Variants in SATB1 observed in about 807,000 individuals in gnomAD.
SATB1 encodes the protein SATB homeobox 1, also known as DNA-binding protein SATB1.
In SATB1, 11 loss-of-function variants were observed where a neutral mutation model predicts 86.9. The ratio of observed to expected loss-of-function variants is 0.13; its 90% confidence interval spans 0.08 to 0.21. The LOEUF (loss-of-function observed/expected upper bound fraction) is 0.21, where lower values mean the gene tolerates loss of function less well. Among genes scored for constraint, SATB1 ranks in the 10% least tolerant of loss-of-function variants. SATB1 has a pLI of 1.00. For synonymous variants in SATB1, 357 were observed against 357.2 expected (o/e 1.00, Z 0.01); for missense variants, 551 against 937.6 (o/e 0.59, Z 5.39).
At chr3:18,437,576 T>A (rs949544238) in intron 1 of SATB1, among the ~76,000 whole-genome samples, 3 of 152,182 alleles carry the variant, frequency 2.0e-5, no homozygotes, top group Admixed American at 2.0e-4. Flanking sequence ...AAGCATACAG[T>A]ATTATTAAAA....
intron 9 of SATB1, among the ~76,000 whole-genome samples, chr3:18,353,565 G>C (rs1213188338): frequency 3.3e-5 from 5 of 151,994 alleles, no homozygotes; most frequent in African/African-American, 1.2e-4. Flanking sequence ...GTAATTTTTA[G>C]ATCTAGCCAA....
intron 5 of SATB1, among the ~76,000 whole-genome samples, chr3:18,400,086 A>T (rs1697174809): frequency 6.6e-6 from 1 of 152,136 alleles, no homozygotes; most frequent in Admixed American, 6.6e-5. Flanking sequence ...TCTTAAATTT[A>T]GAATATCAGG....
chr3:18,416,690 T>TA (rs1015574041), intron 3 of SATB1, among the ~76,000 whole-genome samples: 295 of 150,524 alleles, frequency 2.0e-3, no homozygotes, highest in African/African-American at 6.4e-3. Context: ...TGAAGTAATT[T>TA]AAAAAAAAAA....
At chr3:18,378,131 C>T (rs373973664) in intron 9 of SATB1, 39 bp downstream of exon 9, 3 of 1,509,922 alleles carry the variant, frequency 2.0e-6, no homozygotes, top group Non-Finnish European at 2.6e-6. Context: ...CTACAGGCAA[C>T]ACAGATAAAC....
intron 7 of SATB1, among the ~76,000 whole-genome samples, chr3:18,393,901 T>C (rs984152600): frequency 1.3e-5 from 2 of 152,222 alleles, no homozygotes; most frequent in African/African-American, 4.8e-5. Context: ...AGCTTACAAA[T>C]ATTTTATGTT....
intron 7 of SATB1, among the ~76,000 whole-genome samples, chr3:18,390,534 G>C (rs1696603536): frequency 6.6e-6 from 1 of 152,130 alleles, no homozygotes; most frequent in South Asian, 2.1e-4. Context: ...TTATTCAATA[G>C]TGATATGGAT....
chr3:18,416,912 G>A lies in SATB1; in HGVS notation c.378C>T (p.Ala126=), dbSNP rs1477296817. ...LSLGYSHSSA[A]QAKGLIQVGK... Reference sequence around the variant, plus strand: ...GTACACATTATTTACCTTTGGCCTGGGCAGCAGAGCTATGTGAATAACCTA... The same window carrying A: ...GTACACATTATTTACCTTTGGCCTGAGCAGCAGAGCTATGTGAATAACCTA... The change falls in exon 3 of 11, where the codon GCC becomes GCT. Residue 126 remains alanine (A), a synonymous_variant. Transcript: ENST00000338745. The A allele has an allele frequency of 2.5e-6, 4 of 1,607,706 alleles. No homozygotes were observed. The highest frequency in any genetic ancestry group is 2.2e-5 in the East Asian group (1 of 44,778).
intron 5 of SATB1, chr3:18,410,704 G>C (rs1304347105): frequency 4.7e-6 from 1 of 213,232 alleles, no homozygotes; most frequent in Non-Finnish European, 9.1e-6. Flanking sequence ...CATGTGAAAT[G>C]CAGTATATGA....
chr3:18,369,979 G>A (rs1451053145), intron 9 of SATB1, among the ~76,000 whole-genome samples: 2 of 152,232 alleles, frequency 1.3e-5, no homozygotes, highest in East Asian at 3.8e-4. Context: ...AAGCGAGAGG[G>A]TGAAGGCTTC....
At chr3:18,442,077 T>C (rs948139844), upstream of SATB1, among the ~76,000 whole-genome samples, 5 of 152,274 alleles carry the variant, frequency 3.3e-5, no homozygotes, top group South Asian at 6.2e-4. Context: ...ATTTATTACA[T>C]ATTTCAGCTT....
At chr3:18,438,073 A>C (rs1011502040) in intron 1 of SATB1, among the ~76,000 whole-genome samples, 1 of 152,200 alleles carries the variant, frequency 6.6e-6, no homozygotes, top group African/African-American at 2.4e-5. Flanking sequence ...AGATATCTGC[A>C]TACACTAGGT....
In SATB1 at chr3:18,424,328, C is replaced by T. The variant is rs977013605; in HGVS notation, c.-726G>A. The T allele has an allele frequency of 1.3e-5, 2 of 151,706 alleles. No homozygotes were observed. Among genetic ancestry groups the T allele is most frequent in the Non-Finnish European group, 2.9e-5 (2 of 67,998 alleles). 9.4% of individuals were successfully genotyped at this position (151,706 alleles called of 1,614,324 possible). A position where few individuals can be genotyped will look rare whatever the true frequency, so the allele number is the denominator to read the frequency against. ...CCTCCCTTCCAATCACCCCCACCCC[C>T]CTCGCCAACAATCGCGACTAATATT... On this transcript the variant is annotated 5_prime_UTR_variant, in exon 1 of 11. Coordinates refer to ENST00000338745, the MANE Select transcript of SATB1 (RefSeq NM_002971.6).
intron 9 of SATB1, among the ~76,000 whole-genome samples, chr3:18,364,609 G>T (rs1484211477): frequency 6.6e-6 from 1 of 151,968 alleles, no homozygotes; most frequent in Admixed American, 6.6e-5. Context: ...GGTTCCCTGG[G>T]GGAGAAGGTG....
chr3:18,350,909 G>A (rs1248817076), intron 10 of SATB1: 2 of 264,610 alleles, frequency 7.6e-6, no homozygotes, highest in Non-Finnish European at 1.5e-5. Context: ...ATTGCAGAAT[G>A]TAGGTGACTC....
intron 4 of SATB1, among the ~76,000 whole-genome samples, chr3:18,415,553 G>A (rs942702591): frequency 2.0e-5 from 3 of 150,258 alleles, no homozygotes; most frequent in African/African-American, 2.5e-5. Context: ...TGTATTAACC[G>A]ATTTCCTTTC....
intron 9 of SATB1, among the ~76,000 whole-genome samples, chr3:18,369,052 A>G (rs1023742935): frequency 6.6e-5 from 10 of 152,106 alleles, no homozygotes; most frequent in Non-Finnish European, 1.0e-4. Context: ...TTTCAAATCA[A>G]TTACACAAAT....
intron 6 of SATB1, among the ~76,000 whole-genome samples, chr3:18,395,854 C>G (rs1296697233): frequency 6.6e-6 from 1 of 152,086 alleles, no homozygotes; most frequent in Non-Finnish European, 1.5e-5. Context: ...CTTTTCTGTA[C>G]GAAGAGGAGA....
chr3:18,435,161 A>T (rs1332525270), intron 2 of SATB1: 4 of 152,194 alleles, frequency 2.6e-5, no homozygotes, highest in Non-Finnish European at 5.9e-5. Flanking sequence ...TTAAATATTA[A>T]TAACCTATTC....
intron 9 of SATB1, among the ~76,000 whole-genome samples, chr3:18,372,932 G>A (rs897035976): frequency 6.6e-6 from 1 of 152,104 alleles, no homozygotes; most frequent in Admixed American, 6.5e-5. Flanking sequence ...TGGAGCACAG[G>A]GACCTCCAAA....
Sources: allele counts gnomAD v4.1 joint callset (sites outside exome capture counted in the v4.1 genomes callset), GRCh38; gene constraint gnomAD v4.1.1; transcripts MANE v1.5; gene names NCBI Gene and HGNC (gene_info 2026-07-23, HGNC 2026-07-21).